The following AKAP6 variants were observed in gnomAD, a reference collection of about 807,000 sequenced individuals.
The protein encoded by AKAP6 is A-kinase anchor protein 6.
A neutral mutation model predicts 188.5 loss-of-function variants in AKAP6; 58 were observed. The ratio of observed to expected loss-of-function variants is 0.31; its 90% confidence interval spans 0.25 to 0.38. The LOEUF (loss-of-function observed/expected upper bound fraction) is 0.38. Ranked by LOEUF, AKAP6 falls within the 10% of genes least tolerant of loss-of-function variation. The probability of loss-of-function intolerance (pLI) is 1.00; values close to 1 mark genes in which losing one functional copy is unlikely to be tolerated. For missense variants in AKAP6, 2,710 were observed against 2,740.0 expected, an observed-to-expected ratio of 0.99 and a Z score of 0.24; for synonymous variants, 989 against 998.6, an observed-to-expected ratio of 0.99 and a Z score of 0.18.
At chr14:32,431,146 G>A (rs540539347) in intron 1 of AKAP6, among the ~76,000 whole-genome samples, 59 of 152,214 alleles carry the variant, frequency 3.9e-4, no homozygotes, top group Non-Finnish European at 6.3e-4. Context: ...GCCTGAGGCT[G>A]GGGTATGGTT....
intron 9 of AKAP6, among the ~76,000 whole-genome samples, chr14:32,724,217 C>G (rs1051017445): frequency 4.6e-5 from 7 of 152,060 alleles, no homozygotes; most frequent in African/African-American, 1.7e-4. Flanking sequence ...ATCAATATGC[C>G]ATATTCATAT....
chr14:32,470,534 C>A (rs1454411613), intron 2 of AKAP6, among the ~76,000 whole-genome samples: 1 of 152,156 alleles, frequency 6.6e-6, no homozygotes, highest in Non-Finnish European at 1.5e-5. Flanking sequence ...CAGTCCTTTC[C>A]CACTGGATCT....
intron 4 of AKAP6, among the ~76,000 whole-genome samples, chr14:32,576,777 G>C (rs578104219): frequency 9.2e-5 from 14 of 152,244 alleles, no homozygotes; most frequent in African/African-American, 3.1e-4. Context: ...GACCTGACCT[G>C]ATTTTTTGGC....
chr14:32,475,033 T>A (rs1878986154), intron 2 of AKAP6, among the ~76,000 whole-genome samples: 1 of 152,210 alleles, frequency 6.6e-6, no homozygotes, highest in African/African-American at 2.4e-5. Flanking sequence ...TACGTAGAGC[T>A]ACAGCCTGAT....
intron 11 of AKAP6, among the ~76,000 whole-genome samples, chr14:32,757,269 T>C (rs1245492566): frequency 1.3e-5 from 2 of 152,202 alleles, no homozygotes; most frequent in Non-Finnish European, 2.9e-5. Flanking sequence ...TTGTTCAAAT[T>C]GATGTGTCTG....
chr14:32,811,172 C>G (rs556555515), intron 12 of AKAP6, among the ~76,000 whole-genome samples: 38 of 144,834 alleles, frequency 2.6e-4, no homozygotes, highest in Middle Eastern at 3.8e-3. Flanking sequence ...CCGGGAGGCG[C>G]AGCTTGCAGT....
chr14:32,397,632 C>T (rs917782416), intron 1 of AKAP6, among the ~76,000 whole-genome samples: 1 of 152,146 alleles, frequency 6.6e-6, no homozygotes, highest in African/African-American at 2.4e-5. Flanking sequence ...ATTTAACACA[C>T]ACTTCTAAGC....
chr14:32,343,467 C>T (rs1235070843), intron 1 of AKAP6, among the ~76,000 whole-genome samples: 1 of 151,858 alleles, frequency 6.6e-6, no homozygotes, highest in Non-Finnish European at 1.5e-5. Context: ...CTCCAGCTGC[C>T]CTGCTTCCTC....
intron 12 of AKAP6, among the ~76,000 whole-genome samples, chr14:32,802,747 G>C (rs2033983693): frequency 1.3e-5 from 2 of 152,082 alleles, no homozygotes; most frequent in African/African-American, 4.8e-5. Context: ...TAACAATATG[G>C]GTTTTAAGTA....
chr14:32,410,151 C>CTCCT lies in AKAP6; in HGVS notation c.-34-23308_-34-23307insCCTT, dbSNP rs1555326318. 1.8e-4 allele frequency among the ~76,000 whole-genome samples: 27 copies of CTCCT among 151,504 alleles called. 1 individual carries two copies. The highest frequency in any genetic ancestry group is 4.2e-4 in the South Asian group (2 of 4,760). ...TTCTGTAGAGAATCCCCTTCCCCTCCTTTTTTTTTCTTTGCAGATCCAGGA... is the reference window on the plus strand; with the variant it reads ...TTCTGTAGAGAATCCCCTTCCCCTCCTCCTTTTTTTTTTCTTTGCAGATCCAGGA... On this transcript the variant is annotated intron_variant, in intron 1 of 13. Coordinates refer to ENST00000280979, the MANE Select transcript of AKAP6 (RefSeq NM_004274.5).
chr14:32,745,941 A>G (rs571067409), intron 11 of AKAP6, among the ~76,000 whole-genome samples: 7 of 152,210 alleles, frequency 4.6e-5, no homozygotes, highest in Non-Finnish European at 8.8e-5. Flanking sequence ...GCCTCACCCT[A>G]TGGCCACCAG....
chr14:32,417,040 CTG>C (rs1334443977), intron 1 of AKAP6, among the ~76,000 whole-genome samples: 11 of 152,256 alleles, frequency 7.2e-5, no homozygotes, highest in Middle Eastern at 6.8e-3. Flanking sequence ...TGGAGTTTGA[CTG>C]TGTTTGCTAG....
rs190737884 is a variant in AKAP6 at position 32,471,559 on chromosome 14, C to T, written c.324+37742C>T. Reference sequence around the variant, plus strand: ...AGAGCTGAGACTTAGTTTCATAGGCCATTGTCTTTTCTCCTAAGTGTATTA... The same window carrying T: ...AGAGCTGAGACTTAGTTTCATAGGCTATTGTCTTTTCTCCTAAGTGTATTA... On this transcript the variant is annotated intron_variant, in intron 2 of 13. Coordinates refer to ENST00000280979, the MANE Select transcript of AKAP6 (RefSeq NM_004274.5). 1.5e-3 allele frequency among the ~76,000 whole-genome samples: 230 copies of T among 152,274 alleles called. 1 individual carries two copies. Among genetic ancestry groups the T allele is most frequent in the African/African-American group, 5.3e-3 (222 of 41,556 alleles).
intron 12 of AKAP6, among the ~76,000 whole-genome samples, chr14:32,786,296 A>ATGTTTTTTTTGT: frequency 2.1e-5 from 2 of 93,706 alleles, no homozygotes. Context: ...CTAAACCTTT[A>ATGTTTTTTTTGT]TCTTTTTTTT....
chr14:32,393,805 C>G lies in AKAP6; in HGVS notation c.-34-39655C>G, dbSNP rs552038082. Among the ~76,000 whole-genome samples, 7 of 152,152 alleles carry G rather than the reference C, an allele frequency of 4.6e-5. No homozygotes were observed. The East Asian group carries it at 1.3e-3, about 29-fold the overall frequency. On this transcript the variant is annotated intron_variant, in intron 1 of 13. Coordinates refer to ENST00000280979, the MANE Select transcript of AKAP6 (RefSeq NM_004274.5). ...CAATAATAATAGAGAAGAAAGTACTCTTTTTCTAAAGAGATACATACATTT... is the reference window on the plus strand; with the variant it reads ...CAATAATAATAGAGAAGAAAGTACTGTTTTTCTAAAGAGATACATACATTT...
In AKAP6 at chr14:32,612,721, T is replaced by G. The variant is rs560063417; in HGVS notation, c.2730+11929T>G. ...GGTCTAGTTGGTTATGTTAATAGAT[T>G]GTTAGATTTTTTAAAACCTTTGTTT... On this transcript the variant is annotated intron_variant, in intron 7 of 13. Coordinates refer to ENST00000280979, the MANE Select transcript of AKAP6 (RefSeq NM_004274.5). Among the ~76,000 whole-genome samples the G allele has an allele frequency of 5.3e-5, 8 of 152,324 alleles. No homozygotes were observed. The South Asian group carries it at 1.7e-3, about 32-fold the overall frequency.
At position 32,572,178 on chromosome 14, in the gene AKAP6, G is replaced by A. The variant is rs934573184; in HGVS notation, c.2347-4942G>A. On this transcript the variant is annotated intron_variant, in intron 4 of 13. Transcript: ENST00000280979. Reference sequence around the variant, plus strand: ...TACAGTGGGAGGAATAGACTTTGGAGTGAGATCCATGTTCAAATCCCAAGT... The same window carrying A: ...TACAGTGGGAGGAATAGACTTTGGAATGAGATCCATGTTCAAATCCCAAGT... Among the ~76,000 whole-genome samples, 3 of 152,290 alleles carry A rather than the reference G, an allele frequency of 2.0e-5. No homozygotes were observed. In the South Asian group the frequency reaches 6.2e-4, roughly 32 times the overall value.
At chr14:32,633,539 T>TA (rs1887362400) in intron 7 of AKAP6, among the ~76,000 whole-genome samples, 1 of 152,068 alleles carries the variant, frequency 6.6e-6, no homozygotes, top group Non-Finnish European at 1.5e-5. Flanking sequence ...TGGTATGAGC[T>TA]TTGGACAATG....
intron 2 of AKAP6, among the ~76,000 whole-genome samples, chr14:32,479,798 T>G (rs1879247732): frequency 6.6e-6 from 1 of 152,138 alleles, no homozygotes; most frequent in South Asian, 2.1e-4. Context: ...ACACTATCTG[T>G]GAATCAGAAA....
Sources: allele counts gnomAD v4.1 joint callset (sites outside exome capture counted in the v4.1 genomes callset), GRCh38; gene constraint gnomAD v4.1.1; transcripts MANE v1.5; gene names NCBI Gene and HGNC (gene_info 2026-07-23, HGNC 2026-07-21).